The following ZBTB17 variants were observed in gnomAD, a reference collection of about 807,000 sequenced individuals.
ZBTB17 encodes zinc finger and BTB domain containing 17, also known as zinc finger and BTB domain-containing protein 17.
In ZBTB17, 24 loss-of-function variants were observed where a neutral mutation model predicts 85.1. The observed-to-expected ratio is 0.28, with a 90% CI of 0.20 to 0.40. ZBTB17 has a LOEUF of 0.40. Among genes scored for constraint, ZBTB17 ranks in the 10% least tolerant of loss-of-function variants. ZBTB17 has a pLI of 1.00. For synonymous variants in ZBTB17, 464 were observed against 460.2 expected (o/e 1.01, Z -0.11); for missense variants, 743 against 1,105.1 (o/e 0.67, Z 4.65).
chr1:15,948,550 C>T (rs115699962), intron 2 of ZBTB17, 53 bp from the exon 3 acceptor site: 126 of 1,557,710 alleles, frequency 8.1e-5, no homozygotes, highest in African/African-American at 6.8e-4. Flanking sequence ...ACGTCAGACA[C>T]GCTCAACAGT....
At chr1:15,945,496 G>A (rs1001536207) in intron 6 of ZBTB17, among the ~76,000 whole-genome samples, 2 of 152,238 alleles carry the variant, frequency 1.3e-5, no homozygotes, top group Non-Finnish European at 2.9e-5. Context: ...TTTGAAGGAC[G>A]TGCCTGTGCT....
intron 15 of ZBTB17, 34 bp from the exon 16 acceptor site, chr1:15,942,286 G>A (rs1477936247): frequency 6.2e-7 from 1 of 1,613,522 alleles, no homozygotes; most frequent in East Asian, 2.2e-5. Context: ...GAGTGGGAAG[G>A]ACCCCGGGCT....
intron 2 of ZBTB17, among the ~76,000 whole-genome samples, chr1:15,949,042 C>T (rs2071727638): frequency 6.6e-6 from 1 of 152,182 alleles, no homozygotes; most frequent in East Asian, 1.9e-4. Flanking sequence ...TCAGGCTCTG[C>T]ACGTACCCCA....
chr1:15,956,918 C>T (rs1227849495), intron 2 of ZBTB17, among the ~76,000 whole-genome samples: 4 of 152,152 alleles, frequency 2.6e-5, no homozygotes, highest in African/African-American at 4.8e-5. Flanking sequence ...CAGTGGCTCA[C>T]GCCTGTAATC....
intron 2 of ZBTB17, among the ~76,000 whole-genome samples, chr1:15,959,305 AC>A (rs1328575721): frequency 1.3e-5 from 2 of 152,164 alleles, no homozygotes; most frequent in Non-Finnish European, 2.9e-5. Flanking sequence ...GACAACGTCC[AC>A]ATTTCTGTAG....
At chr1:15,943,918 G>A in intron 9 of ZBTB17, 23 bp from the exon 10 acceptor site, 1 of 1,573,820 alleles carries the variant, frequency 6.4e-7, no homozygotes, top group South Asian at 1.2e-5. Flanking sequence ...AGGGGTCAGG[G>A]GGGCCACCCC....
chr1:15,971,504 C>T (rs7367891), intron 2 of ZBTB17, among the ~76,000 whole-genome samples: 7,110 of 32,206 alleles, frequency 0.22, 482 homozygotes, highest in African/African-American at 0.32. Context: ...TATATATATA[C>T]ACACACACTA....
chr1:15,944,869 AG>A, intron 7 of ZBTB17, 30 bp from the exon 8 acceptor site: 2 of 1,572,516 alleles, frequency 1.3e-6, no homozygotes, highest in Non-Finnish European at 1.7e-6. Flanking sequence ...GCGGGGTGTG[AG>A]GAGCAGCCGG....
At chr1:15,948,612 T>A in intron 2 of ZBTB17, 115 bp from the exon 3 acceptor site, 1 of 1,138,446 alleles carries the variant, frequency 8.8e-7, no homozygotes, top group Non-Finnish European at 1.2e-6. Context: ...TTAAAACAAG[T>A]GAGGGCATTT....
intron 2 of ZBTB17, among the ~76,000 whole-genome samples, chr1:15,971,513 TATATATATACAC>T (rs2148817789): frequency 8.4e-6 from 1 of 119,056 alleles, no homozygotes; most frequent in South Asian, 2.6e-4. Flanking sequence ...ACACACACAC[TATATATATACAC>T]ACACACTATA....
rs577520280 is a variant in ZBTB17 at position 15,976,055 on chromosome 1, A to C, written c.-162T>G. ...GAGAAGGCCGGGGACGGCACTCCAG[A>C]GCAGACAAAGGGCGCCGCCATGTTA... On this transcript the variant is annotated 5_prime_UTR_variant, in exon 1 of 16. Coordinates refer to ENST00000375743, the MANE Select transcript of ZBTB17 (RefSeq NM_003443.3). 2.9e-6 allele frequency: 2 copies of C among 691,906 alleles called. No individual in the cohort carries two copies. The highest frequency in any genetic ancestry group is 3.0e-5 in the South Asian group (2 of 66,306). 42.9% of individuals were successfully genotyped at this position (691,906 alleles called of 1,614,324 possible).
intron 9 of ZBTB17, 27 bp downstream of exon 9, chr1:15,944,273 C>A (rs753244271): frequency 1.3e-6 from 2 of 1,548,796 alleles, no homozygotes; most frequent in Admixed American, 3.9e-5. Context: ...GGCTGCCAGG[C>A]GCTGGTTCCG....
intron 1 of ZBTB17, among the ~76,000 whole-genome samples, chr1:15,975,491 C>T (rs1269455624): frequency 6.6e-6 from 1 of 152,178 alleles, no homozygotes; most frequent in African/African-American, 2.4e-5. Flanking sequence ...GTCCGCAGTA[C>T]GAATGAATGA....
intron 2 of ZBTB17, among the ~76,000 whole-genome samples, chr1:15,949,304 A>G (rs550961824): frequency 6.6e-6 from 1 of 152,314 alleles, no homozygotes; most frequent in East Asian, 1.9e-4. Flanking sequence ...TGAACCGCAC[A>G]AGCCGTGACT....
rs890282146 is a variant in ZBTB17 at position 15,944,259 on chromosome 1, C to A, written c.1371+41G>T. The A allele has an allele frequency of 1.9e-6, 3 of 1,546,904 alleles. No individual in the cohort carries two copies. The East Asian group carries it at 7.3e-5, about 38-fold the overall frequency. The stretch of plus-strand genomic sequence containing the variant: ...GTGGCATGCATGCGGCTGCGGCCAC[C>A]GGCGGCTGCCAGGCGCTGGTTCCGG... On this transcript the variant is annotated intron_variant, in intron 9 of 15. Transcript: ENST00000375743.
chr1:15,968,460 C>T (rs2072522809), intron 2 of ZBTB17, among the ~76,000 whole-genome samples: 2 of 152,132 alleles, frequency 1.3e-5, no homozygotes, highest in African/African-American at 4.8e-5. Flanking sequence ...GGCAAGGAAG[C>T]CTCGGATCAT....
At chr1:15,974,137 A>G (rs1228831234) in intron 1 of ZBTB17, among the ~76,000 whole-genome samples, 1 of 150,584 alleles carries the variant, frequency 6.6e-6, no homozygotes, top group Non-Finnish European at 1.5e-5. Flanking sequence ...GCAGTGAACT[A>G]TGATTATGCT....
intron 2 of ZBTB17, among the ~76,000 whole-genome samples, chr1:15,958,626 C>T (rs2072138455): frequency 6.6e-6 from 1 of 152,082 alleles, no homozygotes; most frequent in Admixed American, 6.5e-5. Flanking sequence ...GTGCCAGGGG[C>T]CCTGGGATAA....
chr1:15,941,897 AG>A lies in ZBTB17; in HGVS notation c.*71del. On this transcript the variant is annotated 3_prime_UTR_variant, in exon 16 of 16. Coordinates refer to ENST00000375743, the MANE Select transcript of ZBTB17 (RefSeq NM_003443.3). ...GAAAATAATCCAATTTATTCTCTCT[AG>A]GGAACAGGCCACCCTTCCCGGTTCC... 1 of 1,523,518 alleles carries A rather than the reference AG, an allele frequency of 6.6e-7. No homozygotes were observed. 94.4% of individuals were successfully genotyped at this position (1,523,518 alleles called of 1,614,324 possible).
Sources: gnomAD v4.1 joint callset for allele counts (sites outside exome capture counted in the v4.1 genomes callset) on GRCh38, gnomAD v4.1.1 for gene constraint, MANE v1.5 for transcripts, NCBI Gene and HGNC (gene_info 2026-07-23, HGNC 2026-07-21) for gene names.